Variants in NDC1 observed in about 807,000 individuals in gnomAD.
NDC1 encodes NDC1 transmembrane nucleoporin.
In NDC1, 24 loss-of-function variants were observed where a neutral mutation model predicts 89.8. That is an observed-to-expected ratio of 0.27 (90% CI 0.19 to 0.38). NDC1 has a LOEUF of 0.38. Ranked by LOEUF, NDC1 falls within the 10% of genes least tolerant of loss-of-function variation. NDC1 has a pLI of 1.00. For missense variants in NDC1, 728 were observed against 797.6 expected (o/e 0.91, Z 1.05); for synonymous variants, 296 against 284.8 (o/e 1.04, Z -0.39).
intron 16 of NDC1, among the ~76,000 whole-genome samples, chr1:53,780,198 G>A (rs1332448245): frequency 2.6e-5 from 4 of 151,858 alleles, no homozygotes; most frequent in Admixed American, 6.6e-5. Flanking sequence ...TCAGCCTCCC[G>A]AGTAGCTGGG....
chr1:53,827,916 A>C (rs1648924743), intron 4 of NDC1, 83 bp downstream of exon 4: 1 of 1,027,426 alleles, frequency 9.7e-7, no homozygotes, highest in South Asian at 2.9e-5. Flanking sequence ...AAAGCAAAGA[A>C]TACTCATAGG....
At position 53,772,231 on chromosome 1, in the gene NDC1, G is replaced by T. The variant is rs1647119420; in HGVS notation, c.1961+98C>A. ...AGTGAGAATCATCAAGGTCCCAAAA[G>T]AACACTTTCAACACATGAGCCTTAT... On this transcript the variant is annotated intron_variant, in intron 17 of 17. Coordinates refer to ENST00000371429, the MANE Select transcript of NDC1 (RefSeq NM_018087.5). The T allele has an allele frequency of 1.4e-5, 15 of 1,048,288 alleles. No homozygotes were observed. In the South Asian group the frequency reaches 2.7e-4, roughly 19 times the overall value. 64.9% of individuals were successfully genotyped at this position (1,048,288 alleles called of 1,614,324 possible).
chr1:53,825,673 T>C (rs1648829849), intron 5 of NDC1, 125 bp downstream of exon 5: 2 of 799,120 alleles, frequency 2.5e-6, no homozygotes, highest in Non-Finnish European at 1.9e-6. Flanking sequence ...ATTTTGAGGA[T>C]TTCAGTTCTA....
chr1:53,823,088 T>TGGG (rs1648730049), intron 5 of NDC1, among the ~76,000 whole-genome samples: 1 of 152,116 alleles, frequency 6.6e-6, no homozygotes, highest in East Asian at 1.9e-4. Context: ...GGCAAGACAC[T>TGGG]TACAAACCTG....
At chr1:53,775,317 T>A (rs1647153123) in intron 16 of NDC1, among the ~76,000 whole-genome samples, 1 of 152,142 alleles carries the variant, frequency 6.6e-6, no homozygotes, top group Non-Finnish European at 1.5e-5. Flanking sequence ...AGTACAGTAG[T>A]GTGATCTCGG....
rs1354131056 is a variant in NDC1, at chr1:53,787,216, A to G, written c.1742T>C (p.Phe581Ser). 3.1e-6 allele frequency: 5 copies of G among 1,611,128 alleles called. No homozygotes were observed. In the African/African-American group the frequency reaches 5.3e-5, roughly 17 times the overall value. ...LVAASFTEDR[F>S]GVVQTTLPAI... ...TGGTAGTGTCGTCTGGACAACTCCA[A>G]ATCTATCCTCTGTAAATGATGCTGC... The change falls in exon 16 of 18, where the codon TTT (phenylalanine) becomes TCT (serine). Residue 581 changes from phenylalanine to serine, a missense_variant. Transcript: ENST00000371429.
intron 4 of NDC1, 59 bp downstream of exon 4, chr1:53,827,940 G>T: frequency 1.5e-6 from 2 of 1,362,750 alleles, no homozygotes; most frequent in South Asian, 1.6e-5. Flanking sequence ...AACCTATATA[G>T]GTCACCTTTG....
intron 15 of NDC1, among the ~76,000 whole-genome samples, chr1:53,788,647 G>A (rs568059377): frequency 4.2e-4 from 64 of 151,984 alleles, no homozygotes; most frequent in African/African-American, 1.5e-3. Flanking sequence ...GGCTGGTCTC[G>A]AACTCCTGAC....
intron 14 of NDC1, among the ~76,000 whole-genome samples, chr1:53,792,021 C>A (rs1399183267): frequency 2.0e-5 from 3 of 151,850 alleles, no homozygotes; most frequent in Non-Finnish European, 4.4e-5. Context: ...CGGCTCACTG[C>A]AAGCTCCGCC....
rs1430888690 is a variant in NDC1, at chr1:53,825,848, G to C, written c.544C>G (p.Leu182Val). 1.9e-6 allele frequency: 3 copies of C among 1,609,624 alleles called. No individual in the cohort carries two copies. Among genetic ancestry groups the C allele is most frequent in the Non-Finnish European group, 2.5e-6 (3 of 1,178,590 alleles). The change falls in exon 5 of 18, where the codon CTC becomes GTC. Residue 182 changes from leucine to valine, a missense_variant. By Grantham distance (32) the Leu-to-Val change is conservative. Coordinates refer to ENST00000371429, the MANE Select transcript of NDC1 (RefSeq NM_018087.5). ...TGAFMGYSYS[L>V]LYFVNNMNYL... ...TTCATGTTGTTAACAAAATACAGGA[G>C]GCTATAGCTATAGCCCATAAATGCT...
At chr1:53,828,486 TA>T (rs938845383) in intron 3 of NDC1, among the ~76,000 whole-genome samples, 3 of 151,524 alleles carry the variant, frequency 2.0e-5, no homozygotes, top group African/African-American at 7.3e-5. Flanking sequence ...CTAAGCACCA[TA>T]AAAGAATAAT....
intron 5 of NDC1, among the ~76,000 whole-genome samples, chr1:53,820,417 A>G (rs1648627003): frequency 6.6e-6 from 1 of 152,164 alleles, no homozygotes; most frequent in Admixed American, 6.5e-5. Context: ...GGATAGCATT[A>G]GGAGATATAC....
At chr1:53,831,580 G>A (rs959508758) in intron 3 of NDC1, among the ~76,000 whole-genome samples, 3 of 151,928 alleles carry the variant, frequency 2.0e-5, no homozygotes, top group Non-Finnish European at 1.5e-5. Flanking sequence ...GGCTGAGGCA[G>A]GAGAATCACT....
At chr1:53,808,829 G>A (rs1480234111) in intron 7 of NDC1, among the ~76,000 whole-genome samples, 2 of 152,076 alleles carry the variant, frequency 1.3e-5, no homozygotes, top group Non-Finnish European at 2.9e-5. Flanking sequence ...ATTTTGCCTA[G>A]AAACTTTGAA....
intron 6 of NDC1, among the ~76,000 whole-genome samples, chr1:53,812,820 T>A (rs1054029228): frequency 2.0e-5 from 3 of 152,186 alleles, no homozygotes; most frequent in Non-Finnish European, 4.4e-5. Flanking sequence ...TATCCAAAGT[T>A]AAGACGAAGG....
At chr1:53,805,508 A>C (rs1431580004) in intron 9 of NDC1, among the ~76,000 whole-genome samples, 3 of 152,204 alleles carry the variant, frequency 2.0e-5, no homozygotes, top group Admixed American at 6.5e-5. Flanking sequence ...GCTCTTTTTA[A>C]AGGACCTTTT....
intron 16 of NDC1, among the ~76,000 whole-genome samples, chr1:53,783,661 C>CAGGAGGACTCCACTCTCAAT (rs1647239827): frequency 6.6e-6 from 1 of 152,136 alleles, no homozygotes; most frequent in Admixed American, 6.5e-5. Flanking sequence ...GTGTTTAGGT[C>CAGGAGGACTCCACTCTCAAT]AGGAGGACTC....
Position 53,810,594 on chromosome 1 carries a change from G to A in NDC1, c.704-848C>T, listed in dbSNP as rs553080302. ...CTCTAGAGGAACAACCAGGCTGACT[G>A]TATGTAGTAGGTCAATACATTGCAA... is the stretch of plus-strand genomic sequence containing the variant. On this transcript the variant is annotated intron_variant, in intron 6 of 17. Coordinates refer to ENST00000371429, the MANE Select transcript of NDC1 (RefSeq NM_018087.5). Among the ~76,000 whole-genome samples, 5 of 152,322 alleles carry A rather than the reference G, an allele frequency of 3.3e-5. No homozygotes were observed. The East Asian group carries it at 9.7e-4, about 29-fold the overall frequency.
In NDC1 at chr1:53,767,358, T is replaced by C. The variant is rs1647074537; in HGVS notation, c.*612A>G. The C allele has an allele frequency of 6.6e-6, 1 of 152,202 alleles. No homozygotes were observed. Among genetic ancestry groups the C allele is most frequent in the African/African-American group, 2.4e-5 (1 of 41,448 alleles). The allele number at this position is 152,202 out of a possible 1,614,324, so 9.4% of individuals were successfully genotyped here. On this transcript the variant is annotated 3_prime_UTR_variant, in exon 18 of 18. Transcript: ENST00000371429. ...AGAACTGAGTTTTTCCACATTCCTT[T>C]ATATAGAGTTAGCATCTGTAAACTG...
Sources: gnomAD v4.1 joint callset for allele counts (sites outside exome capture counted in the v4.1 genomes callset) on GRCh38, gnomAD v4.1.1 for gene constraint, MANE v1.5 for transcripts, NCBI Gene and HGNC (gene_info 2026-07-23, HGNC 2026-07-21) for gene names.